Variants in TASP1 observed in about 807,000 individuals in gnomAD.
The protein encoded by TASP1 is taspase 1.
In TASP1, 16 loss-of-function variants were observed where a neutral mutation model predicts 56.6. That is an observed-to-expected ratio of 0.28 (90% CI 0.19 to 0.43). The LOEUF is 0.43. TASP1 is among the 20% of genes least tolerant of loss of function. The probability of loss-of-function intolerance (pLI) is 1.00; values close to 1 mark genes in which losing one functional copy is unlikely to be tolerated. For missense variants in TASP1, 393 were observed against 511.6 expected (o/e 0.77, Z 2.24); for synonymous variants, 179 against 184.2 (o/e 0.97, Z 0.23).
chr20:13,575,256 A>G (rs185673952), intron 6 of TASP1, among the ~76,000 whole-genome samples: 11 of 152,340 alleles, frequency 7.2e-5, no homozygotes, highest in African/African-American at 2.6e-4. Flanking sequence ...GACAAAGTAC[A>G]ATACCTATTC....
At chr20:13,273,494 T>C in the TASP1 span, among the ~76,000 whole-genome samples, 2 of 152,080 alleles carry the variant, frequency 1.3e-5, no homozygotes, top group African/African-American at 2.4e-5. Context: ...CCTCAGCCTC[T>C]CAAAATGCGG....
chr20:13,268,150 T>TCTTCTCTTCTCTTCTCTTCTCTTCC, the TASP1 span, among the ~76,000 whole-genome samples: 7 of 141,608 alleles, frequency 4.9e-5, no homozygotes, highest in East Asian at 6.2e-4. Context: ...TCTTCTCTTC[T>TCTTCTCTTCTCTTCTCTTCTCTTCC]CTTCCCTTCC....
chr20:13,463,037 A>C (rs1310593372), intron 11 of TASP1, among the ~76,000 whole-genome samples: 1 of 152,122 alleles, frequency 6.6e-6, no homozygotes, highest in Non-Finnish European at 1.5e-5. Context: ...ATTTACATGG[A>C]ATCTCAGGAG....
chr20:13,191,740 T>C, the TASP1 span, among the ~76,000 whole-genome samples: 1 of 152,156 alleles, frequency 6.6e-6, no homozygotes, highest in Non-Finnish European at 1.5e-5. Context: ...AAGAAAGAAA[T>C]TTGAATGTTC....
the TASP1 span, among the ~76,000 whole-genome samples, chr20:13,324,334 G>C: frequency 6.6e-6 from 1 of 152,192 alleles, no homozygotes; most frequent in Non-Finnish European, 1.5e-5. Context: ...TGCCTTGCTA[G>C]CTGCAAGATA....
the TASP1 span, among the ~76,000 whole-genome samples, chr20:13,214,550 CACACACACACACAG>C: frequency 0.038 from 4,306 of 114,144 alleles, 56 homozygotes; most frequent in Middle Eastern, 0.062. Context: ...CACACACACA[CACACACACACACAG>C]AGAGAGAGAG....
intron 4 of TASP1, among the ~76,000 whole-genome samples, chr20:13,617,422 C>T (rs2048560679): frequency 6.6e-6 from 1 of 151,986 alleles, no homozygotes; most frequent in African/African-American, 2.4e-5. Flanking sequence ...AAGATATTAT[C>T]AATGGAAGAA....
At chr20:13,187,216 G>C in the TASP1 span, among the ~76,000 whole-genome samples, 2 of 151,934 alleles carry the variant, frequency 1.3e-5, no homozygotes, top group East Asian at 1.9e-4. Context: ...ATGCAGAAAA[G>C]AACATAGAAG....
At chr20:13,631,759 ATATT>A (rs1172937619) in intron 1 of TASP1, among the ~76,000 whole-genome samples, 3 of 152,248 alleles carry the variant, frequency 2.0e-5, no homozygotes, top group Non-Finnish European at 4.4e-5. Context: ...AGAAATTATA[ATATT>A]TATATTTTGT....
At chr20:13,620,626 A>G (rs2048680283) in intron 4 of TASP1, among the ~76,000 whole-genome samples, 2 of 152,224 alleles carry the variant, frequency 1.3e-5, no homozygotes, top group African/African-American at 4.8e-5. Context: ...CCCAAAGTCT[A>G]AAGAGAAAAG....
At chr20:13,154,258 T>A in the TASP1 span, 8 of 1,314,578 alleles carry the variant, frequency 6.1e-6, no homozygotes, top group Non-Finnish European at 8.3e-6. Context: ...AATTCACTCG[T>A]ACGGCTTCTC....
At chr20:13,445,606 T>C (rs1008923065) in intron 11 of TASP1, among the ~76,000 whole-genome samples, 4 of 152,098 alleles carry the variant, frequency 2.6e-5, no homozygotes, top group African/African-American at 9.7e-5. Context: ...GGAAGCCAAA[T>C]GGCCTAGGTT....
chr20:13,221,764 G>T, the TASP1 span: 2 of 1,429,826 alleles, frequency 1.4e-6, no homozygotes, highest in Admixed American at 2.7e-5. Context: ...CTAAAGCCGC[G>T]CGTCTCAAAA....
chr20:13,238,595 A>G, the TASP1 span, among the ~76,000 whole-genome samples: 1 of 152,224 alleles, frequency 6.6e-6, no homozygotes, highest in Non-Finnish European at 1.5e-5. Context: ...CTAGAAAACA[A>G]CAAAGTTGTT....
intron 3 of TASP1, among the ~76,000 whole-genome samples, chr20:13,624,407 A>C (rs2048816041): frequency 6.6e-6 from 1 of 152,102 alleles, no homozygotes; most frequent in African/African-American, 2.4e-5. Flanking sequence ...AAAGAACAAA[A>C]TCCCTGTAAC....
At chr20:13,636,739 G>A (rs2049325241) in intron 1 of TASP1, among the ~76,000 whole-genome samples, 1 of 152,034 alleles carries the variant, frequency 6.6e-6, no homozygotes, top group Non-Finnish European at 1.5e-5. Context: ...TTTTCAACAA[G>A]AGTGTTGAAA....
the TASP1 span, among the ~76,000 whole-genome samples, chr20:13,150,080 G>A: frequency 2.6e-5 from 4 of 152,212 alleles, no homozygotes; most frequent in Non-Finnish European, 5.9e-5. Flanking sequence ...TGGCTGAGAT[G>A]TATCTGTGTG....
chr20:13,421,963 T>G (rs1235970106), intron 12 of TASP1, among the ~76,000 whole-genome samples: 2 of 150,280 alleles, frequency 1.3e-5, no homozygotes, highest in South Asian at 2.1e-4. Flanking sequence ...CTTTTTTTTT[T>G]TTTTTTTTGA....
At chr20:13,150,860 T>C in the TASP1 span, among the ~76,000 whole-genome samples, 1 of 152,214 alleles carries the variant, frequency 6.6e-6, no homozygotes. Flanking sequence ...GCTTTTTGTG[T>C]GGTTAGTACT....
Sources: allele counts gnomAD v4.1 joint callset (sites outside exome capture counted in the v4.1 genomes callset), GRCh38; gene constraint gnomAD v4.1.1; transcripts MANE v1.5; gene names NCBI Gene and HGNC (gene_info 2026-07-23, HGNC 2026-07-21).